BTBD7: variants seen among roughly 807,000 people sequenced by gnomAD.
BTBD7 encodes the protein BTB domain containing 7, also known as BTB/POZ domain-containing protein 7.
BTBD7 carries 38 observed loss-of-function variants against 99.9 expected under a neutral mutation model. The ratio of observed to expected loss-of-function variants is 0.38; its 90% CI spans 0.29 to 0.50. The LOEUF (loss-of-function observed/expected upper bound fraction) is 0.50. Ranked by LOEUF, BTBD7 falls within the 20% of genes least tolerant of loss-of-function variation. The probability of loss-of-function intolerance (pLI) is 0.93; values close to 1 mark genes in which losing one functional copy is unlikely to be tolerated. For missense variants in BTBD7, 1,170 were observed against 1,394.6 expected (o/e 0.84, Z 2.57); for synonymous variants, 520 against 511.4 (o/e 1.02, Z -0.23).
chr14:93,248,906 A>G (rs1272369644), intron 8 of BTBD7, among the ~76,000 whole-genome samples: 1 of 152,204 alleles, frequency 6.6e-6, no homozygotes, highest in Non-Finnish European at 1.5e-5. Flanking sequence ...TACAGTTCAA[A>G]TACAATTTTA....
chr14:93,291,577 C>T (rs1051501756), intron 3 of BTBD7, among the ~76,000 whole-genome samples: 1 of 151,786 alleles, frequency 6.6e-6, no homozygotes, highest in African/African-American at 2.4e-5. Flanking sequence ...AAAGATATGC[C>T]CCACATGGGT....
rs553966684 is a variant in BTBD7, at chr14:93,284,948, CTTT to C, written c.1162+8907_1162+8909del. On this transcript the variant is annotated intron_variant, in intron 3 of 10. Transcript: ENST00000334746. ...AAAGATGCAATATTATATATATAAA[CTTT>C]TTATGTTTTATATATAAACATATAT... 2.2e-3 allele frequency among the ~76,000 whole-genome samples: 327 copies of C among 151,852 alleles called. 3 individuals carry two copies. Among genetic ancestry groups the C allele is most frequent in the African/African-American group, 7.5e-3 (312 of 41,444 alleles).
intron 7 of BTBD7, among the ~76,000 whole-genome samples, chr14:93,252,603 G>T (rs2052382033): frequency 6.6e-6 from 1 of 151,340 alleles, no homozygotes; most frequent in Non-Finnish European, 1.5e-5. Flanking sequence ...TTGAACTCCT[G>T]GACTCAAGTG....
chr14:93,326,798 T>G (rs2053339588), intron 1 of BTBD7, among the ~76,000 whole-genome samples: 1 of 99,016 alleles, frequency 1.0e-5, no homozygotes, highest in Non-Finnish European at 1.8e-5. Flanking sequence ...AGCAAAACTC[T>G]GTCTAAAAAA....
At chr14:93,277,923 T>C (rs553360843) in intron 3 of BTBD7, among the ~76,000 whole-genome samples, 1 of 152,330 alleles carries the variant, frequency 6.6e-6, no homozygotes, top group South Asian at 2.1e-4. Flanking sequence ...AAATAAAAAC[T>C]ATCCTCCTAC....
chr14:93,245,952 C>T lies in BTBD7; in HGVS notation c.2456G>A (p.Ser819Asn), dbSNP rs1566833362. Residue 819 changes from serine (S) to asparagine (N), a missense_variant, in exon 10 of 11, where the codon AGT (serine) becomes AAT (asparagine). Ser to Asn is a conservative substitution (Grantham distance 46, BLOSUM62 1). Coordinates refer to ENST00000334746, the MANE Select transcript of BTBD7 (RefSeq NM_001002860.4). ...KAGPPPVYLP[S>N]VKAAPPDCTS... ...ACAATCAGGCGGTGCAGCTTTCACA[C>T]TCGGCAAGTAGACTGGGGGAGGGCC... 3 of 1,614,136 alleles carry T rather than the reference C, an allele frequency of 1.9e-6. No homozygotes were observed. The highest frequency in any genetic ancestry group is 1.7e-5 in the Admixed American group (1 of 60,012).
At chr14:93,272,088 G>A (rs1406095008) in intron 3 of BTBD7, among the ~76,000 whole-genome samples, 1 of 152,106 alleles carries the variant, frequency 6.6e-6, no homozygotes, top group Non-Finnish European at 1.5e-5. Context: ...GGAGGCCGAG[G>A]TGGGCGGATC....
intron 3 of BTBD7, among the ~76,000 whole-genome samples, chr14:93,284,331 C>T (rs181497902): frequency 3.3e-5 from 5 of 152,032 alleles, no homozygotes; most frequent in African/African-American, 1.2e-4. Flanking sequence ...CCATTTAGAC[C>T]CCATGTAAAC....
chr14:93,329,676 G>A (rs1253273455), intron 1 of BTBD7, among the ~76,000 whole-genome samples: 1 of 152,158 alleles, frequency 6.6e-6, no homozygotes, highest in African/African-American at 2.4e-5. Flanking sequence ...ATTATACTAA[G>A]TGAAATAAGC....
In BTBD7 at chr14:93,296,102, C is replaced by G. The variant is rs763538805; in HGVS notation, c.-51G>C. ...TCTGCGGGTTCTTCAGAGTATAATC[C>G]CAGAGGCCTTTATGAACCTTCAACC... On this transcript the variant is annotated 5_prime_UTR_variant, in exon 2 of 11. Coordinates refer to ENST00000334746, the MANE Select transcript of BTBD7 (RefSeq NM_001002860.4). 1.9e-6 allele frequency: 3 copies of G among 1,589,744 alleles called. No homozygotes were observed. The African/African-American group carries it at 4.0e-5, about 21-fold the overall frequency.
rs1365058301 is a variant in BTBD7 at position 93,242,329 on chromosome 14, T to C, written c.3343A>G (p.Arg1115Gly). The C allele has an allele frequency of 6.2e-7, 1 of 1,614,096 alleles. No individual in the cohort carries two copies. Among genetic ancestry groups the C allele is most frequent in the Admixed American group, 1.7e-5 (1 of 60,014 alleles). ...TDLEREDSIS[R>G]GRRSPSKPDF... ...GGCTTGCTTGGTGACCTCCTTCCTC[T>C]GCTTATTGAATCTTCCCTTTCCAAA... is the stretch of plus-strand genomic sequence containing the variant. The change falls in exon 11 of 11, where the codon AGA (arginine) becomes GGA (glycine). Residue 1115 changes from arginine (R) to glycine (G), a missense_variant. Arg to Gly is a moderately radical substitution (Grantham distance 125). Around this residue, in one of 4 missense-constraint regions of BTBD7, gnomAD observed 495 missense variants for 525.9 expected, o/e 0.94. Transcript: ENST00000334746.
intron 8 of BTBD7, among the ~76,000 whole-genome samples, chr14:93,249,158 G>A (rs931296903): frequency 6.6e-6 from 1 of 150,788 alleles, no homozygotes; most frequent in African/African-American, 2.4e-5. Context: ...AATATGCAAA[G>A]GACACTGAGG....
chr14:93,273,239 T>C (rs2052619165), intron 3 of BTBD7, among the ~76,000 whole-genome samples: 1 of 152,084 alleles, frequency 6.6e-6, no homozygotes, highest in African/African-American at 2.4e-5. Context: ...AGATCACCAA[T>C]CATGGTGGCA....
At chr14:93,245,763 G>GAA (rs1390636350) in intron 10 of BTBD7, 62 bp downstream of exon 10, 37 of 1,551,156 alleles carry the variant, frequency 2.4e-5, no homozygotes, top group Non-Finnish European at 3.2e-5. Flanking sequence ...TTGGGGCCAA[G>GAA]AAAATTGCTT....
chr14:93,297,005 C>CA (rs2052936335), intron 1 of BTBD7, among the ~76,000 whole-genome samples: 1 of 152,132 alleles, frequency 6.6e-6, no homozygotes, highest in Admixed American at 6.5e-5. Context: ...ATCTTTACAC[C>CA]ATCTGGATAT....
chr14:93,301,801 G>A (rs1391933349), intron 1 of BTBD7, among the ~76,000 whole-genome samples: 1 of 152,174 alleles, frequency 6.6e-6, no homozygotes, highest in East Asian at 1.9e-4. Context: ...ACAGACCATA[G>A]GCATTTGGAC....
chr14:93,264,848 C>T (rs990191174), intron 3 of BTBD7, among the ~76,000 whole-genome samples: 2 of 152,196 alleles, frequency 1.3e-5, no homozygotes, highest in Non-Finnish European at 2.9e-5. Context: ...TGCTTGTAAT[C>T]CCAGCACTCT....
intron 3 of BTBD7, among the ~76,000 whole-genome samples, chr14:93,289,910 G>A (rs1056389813): frequency 7.0e-6 from 1 of 143,366 alleles, no homozygotes; most frequent in Non-Finnish European, 1.5e-5. Flanking sequence ...GGCTTGGAGT[G>A]CAGTGCTGTG....
intron 4 of BTBD7, among the ~76,000 whole-genome samples, chr14:93,262,049 T>A (rs2052494881): frequency 6.6e-6 from 1 of 152,146 alleles, no homozygotes; most frequent in African/African-American, 2.4e-5. Flanking sequence ...CTCTGCAGCC[T>A]CAACCTCCTG....
Sources: gnomAD v4.1 joint callset for allele counts (sites outside exome capture counted in the v4.1 genomes callset) on GRCh38, gnomAD v4.1.1 for gene constraint, gnomAD v4.1.1 regional missense constraint, MANE v1.5 for transcripts, NCBI Gene and HGNC (gene_info 2026-07-23, HGNC 2026-07-21) for gene names.